Variants in ANKRD30B observed in about 807,000 individuals in gnomAD.
ANKRD30B encodes ankyrin repeat domain-containing protein 30B.
Under a neutral mutation model 202.2 loss-of-function variants are expected in ANKRD30B, and 144 were observed. That is an observed-to-expected ratio of 0.71 (90% confidence interval 0.62 to 0.82). The LOEUF is 0.82. Ranked by LOEUF, ANKRD30B falls within the 40% of genes least tolerant of loss-of-function variation. The pLI, the probability that ANKRD30B is intolerant of heterozygous loss-of-function variation, is 0.00. For missense variants in ANKRD30B, 1,487 were observed against 1,669.1 expected (o/e 0.89, Z 1.90); for synonymous variants, 508 against 561.3 (o/e 0.91, Z 1.34).
chr18:14,865,116 T>TC, the ANKRD30B span, among the ~76,000 whole-genome samples: 1 of 151,072 alleles, frequency 6.6e-6, no homozygotes, highest in African/African-American at 2.4e-5. Flanking sequence ...CACCCTCTTC[T>TC]CCCCCTCCAT....
chr18:14,867,042 C>CG, the ANKRD30B span, among the ~76,000 whole-genome samples: 1 of 74,466 alleles, frequency 1.3e-5, no homozygotes, highest in Non-Finnish European at 2.5e-5. Context: ...AAGGTGGGGT[C>CG]GGGGGGTTGG....
Position 14,851,840 on chromosome 18 carries a change from C to G in ANKRD30B, c.3896C>G (p.Pro1299Arg), listed in dbSNP as rs1470064119. Reference sequence around the variant, plus strand: ...GAGACAGAAATTGAATCACACCATCCTAGACTGGCTTCTGCTTTACAAGAC... The same window carrying G: ...GAGACAGAAATTGAATCACACCATCGTAGACTGGCTTCTGCTTTACAAGAC... ...ILETEIESHH[P>R]RLASALQDHD... The change falls in exon 42 of 44, where the codon CCT becomes CGT. Residue 1299 changes from proline (P) to arginine (R), a missense_variant. Transcript: ENST00000690538. 4 of 1,592,224 alleles carry G rather than the reference C, an allele frequency of 2.5e-6. No homozygotes were observed.
downstream of ANKRD30B, among the ~76,000 whole-genome samples, chr18:14,858,744 C>G (rs1972138532): frequency 6.9e-6 from 1 of 145,662 alleles, no homozygotes; most frequent in Admixed American, 6.7e-5. Flanking sequence ...GGCAGAGGTG[C>G]TCCTCACCTC....
At chr18:14,840,197 T>G (rs1971357963) in intron 36 of ANKRD30B, among the ~76,000 whole-genome samples, 1 of 152,238 alleles carries the variant, frequency 6.6e-6, no homozygotes, top group African/African-American at 2.4e-5. Flanking sequence ...TTAAAAAAGA[T>G]TTTTAATAAA....
chr18:14,831,363 G>A lies in ANKRD30B; in HGVS notation c.2775-20G>A, dbSNP rs1165356972. 7.0e-7 allele frequency: 1 copy of A among 1,422,772 alleles called. No homozygotes were observed. The highest frequency in any genetic ancestry group is 2.2e-5 in the Admixed American group (1 of 45,936). The allele number at this position is 1,422,772 out of a possible 1,614,324, so 88.1% of individuals were successfully genotyped here. On this transcript the variant is annotated intron_variant, in intron 33 of 43. Coordinates refer to ENST00000690538, the MANE Select transcript of ANKRD30B (RefSeq NM_001367607.2). ...TAAATATATGAATTTGCTCATTTTT[G>A]TTTTATCTTTTTTCTCTAGTCTTTT...
At chr18:14,866,141 G>C in the ANKRD30B span, among the ~76,000 whole-genome samples, 4 of 152,350 alleles carry the variant, frequency 2.6e-5, no homozygotes, top group East Asian at 3.9e-4. Flanking sequence ...AACCATGTGC[G>C]TAACCCCACG....
chr18:14,894,506 T>G, the ANKRD30B span, among the ~76,000 whole-genome samples: 4 of 152,020 alleles, frequency 2.6e-5, no homozygotes, highest in Admixed American at 2.0e-4. Context: ...GGGGTATATA[T>G]TAATATGGCT....
At chr18:14,900,669 G>T in the ANKRD30B span, among the ~76,000 whole-genome samples, 16 of 152,210 alleles carry the variant, frequency 1.1e-4, no homozygotes, top group South Asian at 2.7e-3. Flanking sequence ...CCCAGTCTTT[G>T]TTACAGCTTA....
the ANKRD30B span, among the ~76,000 whole-genome samples, chr18:14,867,474 C>T: frequency 1.2e-4 from 19 of 152,128 alleles, no homozygotes; most frequent in East Asian, 7.8e-4. Context: ...CGTGTTGGAG[C>T]GCAGAGGGTG....
intron 30 of ANKRD30B, among the ~76,000 whole-genome samples, chr18:14,820,574 G>T (rs889219370): frequency 6.8e-6 from 1 of 147,662 alleles, no homozygotes; most frequent in Admixed American, 6.6e-5. Context: ...TAGCATGAAG[G>T]GTTGTTGAAT....
chr18:14,920,358 A>G, the ANKRD30B span, among the ~76,000 whole-genome samples: 3 of 152,192 alleles, frequency 2.0e-5, no homozygotes, highest in African/African-American at 7.2e-5. Flanking sequence ...GTAACTCTGA[A>G]AAGTATTTAA....
At chr18:14,761,502 A>G (rs1412823724) in intron 6 of ANKRD30B, among the ~76,000 whole-genome samples, 1 of 152,240 alleles carries the variant, frequency 6.6e-6, no homozygotes, top group Non-Finnish European at 1.5e-5. Flanking sequence ...CAAGCTATTT[A>G]GATAAACTAC....
intron 34 of ANKRD30B, among the ~76,000 whole-genome samples, chr18:14,831,742 A>G: frequency 6.6e-6 from 1 of 152,220 alleles, no homozygotes; most frequent in South Asian, 2.1e-4. Context: ...AGTGACAGGA[A>G]CATTATATTA....
chr18:14,835,029 A>G (rs1971111607), intron 34 of ANKRD30B, among the ~76,000 whole-genome samples: 1 of 152,040 alleles, frequency 6.6e-6, no homozygotes, highest in Admixed American at 6.5e-5. Flanking sequence ...TATTTAACTA[A>G]TTTATCTTAC....
At position 14,805,494 on chromosome 18, in the gene ANKRD30B, C is replaced by T. The variant is rs1013787864; in HGVS notation, c.2284+1670C>T. Among the ~76,000 whole-genome samples, 207 of 150,190 alleles carry T rather than the reference C, an allele frequency of 1.4e-3. 5 individuals carry two copies. The highest frequency in any genetic ancestry group is 5.0e-4 in the Non-Finnish European group (34 of 67,606). ...AAATGTTGGATACTATTGTAGCATA[C>T]GGGTATGAAAATCAATGAATATTTA... On this transcript the variant is annotated intron_variant, in intron 24 of 43. Transcript: ENST00000690538.
chr18:14,872,748 C>G, the ANKRD30B span, among the ~76,000 whole-genome samples: 1 of 152,124 alleles, frequency 6.6e-6, no homozygotes, highest in Non-Finnish European at 1.5e-5. Context: ...TGAAACCTTC[C>G]AGGCTGAGAA....
At chr18:14,861,438 T>G in the ANKRD30B span, among the ~76,000 whole-genome samples, 2 of 150,832 alleles carry the variant, frequency 1.3e-5, no homozygotes, top group Non-Finnish European at 3.0e-5. Flanking sequence ...ATTCATCACA[T>G]AAATGAAAAA....
At position 14,782,512 on chromosome 18, in the gene ANKRD30B, T is replaced by C; in HGVS notation, c.1483-15T>C. 2 of 1,505,124 alleles carry C rather than the reference T, an allele frequency of 1.3e-6. No homozygotes were observed. Among genetic ancestry groups the C allele is most frequent in the Non-Finnish European group, 1.8e-6 (2 of 1,114,716 alleles). The allele number at this position is 1,505,124 out of a possible 1,614,324, so 93.2% of individuals were successfully genotyped here. ...TTTTAAAATTGAAATTATCTATTGA[T>C]ACTACTTTTAACAGAGTCTCTTTGA... On this transcript the variant is annotated splice_polypyrimidine_tract_variant and intron_variant, in intron 11 of 43. Transcript: ENST00000690538.
At chr18:14,832,633 A>G (rs554145371) in intron 34 of ANKRD30B, among the ~76,000 whole-genome samples, 2 of 152,352 alleles carry the variant, frequency 1.3e-5, no homozygotes, top group African/African-American at 4.8e-5. Context: ...TTCAATGTGA[A>G]TAAATAAGCA....
Sources: allele counts gnomAD v4.1 joint callset (sites outside exome capture counted in the v4.1 genomes callset), GRCh38; gene constraint gnomAD v4.1.1; transcripts MANE v1.5; gene names NCBI Gene and HGNC (gene_info 2026-07-23, HGNC 2026-07-21).